The following ATP7A variants were observed in gnomAD, a reference collection of about 807,000 sequenced individuals.
The protein encoded by ATP7A is copper-transporting ATPase 1.
ATP7A carries 7 observed loss-of-function variants against 83.5 expected under a neutral mutation model. The observed-to-expected ratio is 0.08, with a 90% CI of 0.05 to 0.16. The LOEUF is 0.16. Among genes scored for constraint, ATP7A ranks in the 10% least tolerant of loss-of-function variants. The pLI is 1.00. For missense variants in ATP7A, 940 were observed against 1,120.8 expected (o/e 0.84, Z 2.30); for synonymous variants, 354 against 395.2 (o/e 0.90, Z 1.24).
rs2149096057 is a variant in ATP7A at position 78,013,067 on chromosome X, G to A, written c.2361G>A (p.Leu787=). The A allele has an allele frequency of 8.3e-7, 1 of 1,210,993 alleles. No homozygotes were observed. The highest frequency in any genetic ancestry group is 1.8e-5 in the South Asian group (1 of 56,965). ...CTTTCTTTGACACACCCCCTATGCTGTTTGTGTTTATTGCACTAGGCCGAT... is the reference window on the plus strand; with the variant it reads ...CTTTCTTTGACACACCCCCTATGCTATTTGTGTTTATTGCACTAGGCCGAT... ...PITFFDTPPM[L]FVFIALGRWL... is the part of the protein sequence containing the mutation. Residue 787 remains leucine (L), a synonymous_variant, in exon 10 of 23, where the codon CTG becomes CTA. Transcript: ENST00000341514.
intron 2 of ATP7A, among the ~76,000 whole-genome samples, chrX:77,983,979 C>T (rs140648938): frequency 0.024 from 2,726 of 111,883 alleles, 79 homozygotes; most frequent in African/African-American, 0.084. Context: ...GCCACCACTC[C>T]GGCCCAGAGG....
At chrX:78,001,826 A>T (rs1322601677) in intron 5 of ATP7A, among the ~76,000 whole-genome samples, 1 of 102,849 alleles carries the variant, frequency 9.7e-6, no homozygotes, top group Non-Finnish European at 2.0e-5. Context: ...AATGGTTGTT[A>T]AAAAAAAAAA....
chrX:77,958,924 G>C (rs1324942946), intron 1 of ATP7A, among the ~76,000 whole-genome samples: 1 of 108,287 alleles, frequency 9.2e-6, no homozygotes, highest in Non-Finnish European at 1.9e-5. Flanking sequence ...AAGTAGCTAG[G>C]ATTACAGGTG....
Position 77,988,323 on chromosome X carries a change from G to A in ATP7A, c.202G>A (p.Asp68Asn), listed in dbSNP as rs782629836. 1.0e-5 allele frequency: 12 copies of A among 1,203,468 alleles called. No individual in the cohort carries two copies. In the Admixed American group the frequency reaches 2.4e-4, roughly 25 times the overall value. ...AAAGACCCTACAGGAAGCTATTGAT[G>A]ACATGGGCTTTGATGCTGTTATCCA... ...TPKTLQEAID[D>N]MGFDAVIHNP... The change falls in exon 3 of 23, where the codon GAC becomes AAC. Residue 68 changes from aspartate to asparagine, a missense_variant. Physicochemically the swap from Asp to Asn is conservative, Grantham distance 23. This residue lies in a region of ATP7A where 350 missense variants were observed against 432.8 expected (regional missense o/e 0.81). Coordinates refer to ENST00000341514, the MANE Select transcript of ATP7A (RefSeq NM_000052.7).
rs782556631 is a variant in ATP7A, at chrX:77,911,708, C to T, written c.-22+873C>T. Among the ~76,000 whole-genome samples, 3 of 110,876 alleles carry T rather than the reference C, an allele frequency of 2.7e-5. No individual in the cohort carries two copies. In the South Asian group the frequency reaches 1.1e-3, roughly 42 times the overall value. ...CCTGTAATACCAACACTTTGGGAGG[C>T]CGAGGAGGGTGGATCACCTGAGGTC... On this transcript the variant is annotated intron_variant, in intron 1 of 22. Transcript: ENST00000341514.
At chrX:78,023,555 G>A (rs2077922076) in intron 14 of ATP7A, among the ~76,000 whole-genome samples, 1 of 110,990 alleles carries the variant, frequency 9.0e-6, no homozygotes, top group Non-Finnish European at 1.9e-5. Context: ...GATGATTAGT[G>A]ATGTTGAGTA....
chrX:78,031,400 G>A lies in ATP7A; in HGVS notation c.3112G>A (p.Val1038Ile), dbSNP rs181435872. The change falls in exon 16 of 23, where the codon GTA (valine) becomes ATA (isoleucine). Residue 1038 changes from valine to isoleucine, a missense_variant and splice_region_variant. Coordinates refer to ENST00000341514, the MANE Select transcript of ATP7A (RefSeq NM_000052.7). ...TCATTGTATCTTAATTTTTTTACAG[G>A]TAAAGGTAGTGGTATTTGATAAGAC... ...GGEPLEMAHK[V>I]KVVVFDKTGT... is the part of the protein sequence containing the mutation. 2.5e-5 allele frequency: 30 copies of A among 1,206,440 alleles called. No individual in the cohort carries two copies. The East Asian group carries it at 8.3e-4, about 33-fold the overall frequency.
intron 1 of ATP7A, among the ~76,000 whole-genome samples, chrX:77,925,918 C>CTTT (rs35626877): frequency 0.046 from 4,587 of 99,849 alleles, 198 homozygotes; most frequent in African/African-American, 0.13. Flanking sequence ...AGTAATAAGG[C>CTTT]TTTTTTTTTT....
chrX:77,978,887 G>A (rs1370865644), intron 2 of ATP7A, among the ~76,000 whole-genome samples: 11 of 111,210 alleles, frequency 9.9e-5, no homozygotes, highest in Non-Finnish European at 1.7e-4. Context: ...ACTGGAATGC[G>A]ATGGTGCGAT....
chrX:77,973,294 A>G lies in ATP7A; in HGVS notation c.120+1533A>G, dbSNP rs1335372897. Among the ~76,000 whole-genome samples the G allele has an allele frequency of 7.2e-5, 8 of 111,887 alleles. No individual in the cohort carries two copies. In the East Asian group the frequency reaches 2.0e-3, roughly 28 times the overall value. Reference sequence around the variant, plus strand: ...TTGTGTACAGCCCTTTTTTCACTACAAGAGAGTTGAATAGTTGTGACAGAG... The same window carrying G: ...TTGTGTACAGCCCTTTTTTCACTACGAGAGAGTTGAATAGTTGTGACAGAG... On this transcript the variant is annotated intron_variant, in intron 2 of 22. Transcript: ENST00000341514.
At chrX:77,931,945 G>T (rs1444992909) in intron 1 of ATP7A, among the ~76,000 whole-genome samples, 1 of 101,644 alleles carries the variant, frequency 9.8e-6, no homozygotes, top group Non-Finnish European at 2.0e-5. Flanking sequence ...GCTGGGCGGG[G>T]GGCTGACCCC....
chrX:77,944,652 A>T (rs2077368828), intron 1 of ATP7A, among the ~76,000 whole-genome samples: 1 of 108,295 alleles, frequency 9.2e-6, no homozygotes. Flanking sequence ...GCCCAGGCTG[A>T]TCTTGAATGC....
intron 5 of ATP7A, among the ~76,000 whole-genome samples, chrX:78,000,153 C>T (rs185426021): frequency 1.8e-5 from 2 of 110,791 alleles, no homozygotes; most frequent in Non-Finnish European, 3.8e-5. Context: ...GTATGGTATA[C>T]GGAGTCATCT....
At chrX:77,930,386 C>T (rs1044613707) in intron 1 of ATP7A, among the ~76,000 whole-genome samples, 4 of 111,751 alleles carry the variant, frequency 3.6e-5, no homozygotes, top group Non-Finnish European at 5.6e-5. Context: ...ACTGCGTGGT[C>T]AGCCCCTTCC....
At chrX:77,922,515 G>C (rs1324355222) in intron 1 of ATP7A, among the ~76,000 whole-genome samples, 1 of 110,683 alleles carries the variant, frequency 9.0e-6, no homozygotes, top group Admixed American at 9.6e-5. Flanking sequence ...AAAAATGTGT[G>C]TTTATATGTA....
In ATP7A at chrX:77,969,526, G is replaced by A. The variant is rs147487697; in HGVS notation, c.-21-2095G>A. Reference sequence around the variant, plus strand: ...TCGTAGCGCCTGCCCGCCGCGCTTCGCCTCCTCGTGGCCCGCCGGGCTCAG... The same window carrying A: ...TCGTAGCGCCTGCCCGCCGCGCTTCACCTCCTCGTGGCCCGCCGGGCTCAG... On this transcript the variant is annotated intron_variant, in intron 1 of 22. Transcript: ENST00000341514. 4.1e-6 allele frequency: 5 copies of A among 1,209,416 alleles called. No individual in the cohort carries two copies. The African/African-American group carries it at 5.2e-5, about 13-fold the overall frequency.
intron 1 of ATP7A, among the ~76,000 whole-genome samples, chrX:77,927,986 C>CT (rs1418568131): frequency 1.8e-5 from 2 of 110,494 alleles, no homozygotes; most frequent in Non-Finnish European, 3.8e-5. Flanking sequence ...TATTTTAAGG[C>CT]TTTTTTTGAG....
At chrX:77,953,782 T>C (rs1436326972) in intron 1 of ATP7A, among the ~76,000 whole-genome samples, 3 of 112,591 alleles carry the variant, frequency 2.7e-5, no homozygotes, top group Non-Finnish European at 3.7e-5. Flanking sequence ...CACATTGCCC[T>C]GTTAAGTTAA....
At chrX:77,956,850 T>A (rs1412942436) in intron 1 of ATP7A, among the ~76,000 whole-genome samples, 2 of 104,015 alleles carry the variant, frequency 1.9e-5, no homozygotes, top group East Asian at 6.0e-4. Flanking sequence ...TAGTCTGGAG[T>A]GCAGTGGCCC....
Sources: gnomAD v4.1 joint callset for allele counts (sites outside exome capture counted in the v4.1 genomes callset) on GRCh38, gnomAD v4.1.1 for gene constraint, gnomAD v4.1.1 regional missense constraint, MANE v1.5 for transcripts, NCBI Gene and HGNC (gene_info 2026-07-23, HGNC 2026-07-21) for gene names.